The following ZMAT4 variants were observed in gnomAD, a reference collection of about 807,000 sequenced individuals.
ZMAT4 encodes the protein zinc finger matrin-type 4.
ZMAT4 carries 17 observed loss-of-function variants against 28.7 expected under a neutral mutation model. The observed-to-expected ratio is 0.59, with a 90% CI of 0.41 to 0.89. ZMAT4 has a LOEUF of 0.89. Ranked by LOEUF, ZMAT4 falls within the 40% of genes least tolerant of loss-of-function variation. The pLI, the probability that ZMAT4 is intolerant of heterozygous loss-of-function variation, is 0.00. For synonymous variants in ZMAT4, 117 were observed against 109.2 expected (o/e 1.07, Z -0.44); for missense variants, 240 against 283.8 (o/e 0.85, Z 1.11).
chr8:40,865,903 T>C (rs929666920), intron 1 of ZMAT4, among the ~76,000 whole-genome samples: 6 of 152,178 alleles, frequency 3.9e-5, no homozygotes, highest in Non-Finnish European at 4.4e-5. Flanking sequence ...ACCAACTAAC[T>C]TTCCAGCTGC....
chr8:40,829,782 A>T (rs759034399), intron 1 of ZMAT4, among the ~76,000 whole-genome samples: 6 of 152,212 alleles, frequency 3.9e-5, no homozygotes, highest in Non-Finnish European at 7.3e-5. Context: ...CTAGGGTTGA[A>T]AATTTGAGGA....
intron 3 of ZMAT4, among the ~76,000 whole-genome samples, chr8:40,710,409 C>A (rs1810556799): frequency 1.3e-5 from 2 of 152,114 alleles, no homozygotes; most frequent in African/African-American, 4.8e-5. Flanking sequence ...AGATGGCATA[C>A]AGGCGAGTAT....
intron 1 of ZMAT4, among the ~76,000 whole-genome samples, chr8:40,880,204 C>T (rs1371868428): frequency 6.6e-6 from 1 of 152,032 alleles, no homozygotes; most frequent in Admixed American, 6.6e-5. Flanking sequence ...CCCATTTCTA[C>T]TAAAAATACA....
chr8:40,544,592 T>C (rs1478180830), intron 6 of ZMAT4, among the ~76,000 whole-genome samples: 1 of 152,212 alleles, frequency 6.6e-6, no homozygotes, highest in Non-Finnish European at 1.5e-5. Flanking sequence ...ATTGTGGGTA[T>C]AACTTTTTTT....
intron 2 of ZMAT4, among the ~76,000 whole-genome samples, chr8:40,822,047 A>G: frequency 6.6e-6 from 1 of 152,260 alleles, no homozygotes; most frequent in East Asian, 1.9e-4. Context: ...CTACGAAGTT[A>G]ACAGCACGAT....
intron 3 of ZMAT4, among the ~76,000 whole-genome samples, chr8:40,743,458 G>A (rs755584719): frequency 5.3e-5 from 8 of 152,326 alleles, no homozygotes; most frequent in East Asian, 1.9e-4. Flanking sequence ...TGTCAGCTTC[G>A]CAAGGGACGT....
chr8:40,610,833 C>T (rs1363221338), intron 5 of ZMAT4, among the ~76,000 whole-genome samples: 2 of 150,444 alleles, frequency 1.3e-5, no homozygotes, highest in African/African-American at 2.4e-5. Context: ...AAGAGATAGG[C>T]CATAGAAAAA....
intron 5 of ZMAT4, among the ~76,000 whole-genome samples, chr8:40,595,830 T>G (rs1004106686): frequency 6.6e-6 from 1 of 152,086 alleles, no homozygotes; most frequent in South Asian, 2.1e-4. Flanking sequence ...ACTCCTGTAA[T>G]CCCAGCACTT....
intron 3 of ZMAT4, among the ~76,000 whole-genome samples, chr8:40,708,097 T>C (rs1008700771): frequency 3.3e-5 from 5 of 152,100 alleles, no homozygotes; most frequent in Non-Finnish European, 7.4e-5. Flanking sequence ...ACCTCAAAAA[T>C]AAGTGAATGG....
chr8:40,760,657 G>T (rs565761387), intron 3 of ZMAT4, among the ~76,000 whole-genome samples: 41 of 152,026 alleles, frequency 2.7e-4, no homozygotes, highest in African/African-American at 9.9e-4. Context: ...TTTCATGGTC[G>T]AGGCAACATT....
intron 1 of ZMAT4, among the ~76,000 whole-genome samples, chr8:40,876,421 T>C (rs1223601644): frequency 1.3e-5 from 2 of 152,194 alleles, no homozygotes; most frequent in African/African-American, 4.8e-5. Context: ...CAAGTGATCC[T>C]CCTACCTCAG....
intron 5 of ZMAT4, among the ~76,000 whole-genome samples, chr8:40,660,293 T>C (rs1283334500): frequency 6.6e-6 from 1 of 152,234 alleles, no homozygotes; most frequent in Non-Finnish European, 1.5e-5. Flanking sequence ...AGTTGTGTAT[T>C]TTTAAGTTGA....
chr8:40,532,259 C>A lies in ZMAT4; in HGVS notation c.675-21G>T, dbSNP rs200793344. 37 of 1,573,776 alleles carry A rather than the reference C, an allele frequency of 2.4e-5. No homozygotes were observed. In the African/African-American group the frequency reaches 4.9e-4, roughly 21 times the overall value. ...TCAGGCTATAAGACAGAAGGAAACA[C>A]AGTGTTACCTTCTTTCATAATTACA... is the stretch of plus-strand genomic sequence containing the variant. On this transcript the variant is annotated intron_variant, in intron 6 of 6. Coordinates refer to ENST00000297737, the MANE Select transcript of ZMAT4 (RefSeq NM_024645.3).
chr8:40,633,418 G>A (rs1353526937), intron 5 of ZMAT4, among the ~76,000 whole-genome samples: 3 of 152,210 alleles, frequency 2.0e-5, no homozygotes, highest in African/African-American at 4.8e-5. Context: ...AGGATATGAT[G>A]TAGGGAAAAC....
intron 5 of ZMAT4, among the ~76,000 whole-genome samples, chr8:40,631,899 T>C (rs548252304): frequency 7.2e-5 from 11 of 152,182 alleles, no homozygotes; most frequent in African/African-American, 9.6e-5. Context: ...AGATGAATCC[T>C]CCCACTTCAA....
At chr8:40,842,043 G>A (rs903027258) in intron 1 of ZMAT4, among the ~76,000 whole-genome samples, 2 of 152,190 alleles carry the variant, frequency 1.3e-5, no homozygotes, top group Non-Finnish European at 2.9e-5. Context: ...ATCAGAAACA[G>A]GTCTGGGTAG....
intron 1 of ZMAT4, among the ~76,000 whole-genome samples, chr8:40,845,672 G>A (rs1230332083): frequency 6.7e-6 from 1 of 150,046 alleles, no homozygotes; most frequent in African/African-American, 2.5e-5. Context: ...GGAAGACACA[G>A]TGAAAACCTG....
At chr8:40,670,013 A>G (rs1213553602) in intron 5 of ZMAT4, among the ~76,000 whole-genome samples, 1 of 152,254 alleles carries the variant, frequency 6.6e-6, no homozygotes, top group East Asian at 1.9e-4. Context: ...ATTCAATCCC[A>G]TTCAACATTC....
chr8:40,858,667 C>T (rs1453394983), intron 1 of ZMAT4, among the ~76,000 whole-genome samples: 1 of 152,122 alleles, frequency 6.6e-6, no homozygotes, highest in Non-Finnish European at 1.5e-5. Flanking sequence ...AAAAAAGGTT[C>T]CCATACCCCT....
Sources: allele counts gnomAD v4.1 joint callset (sites outside exome capture counted in the v4.1 genomes callset), GRCh38; gene constraint gnomAD v4.1.1; transcripts MANE v1.5; gene names NCBI Gene and HGNC (gene_info 2026-07-23, HGNC 2026-07-21).